The following ZCCHC7 variants were observed in gnomAD, a reference collection of about 807,000 sequenced individuals.
ZCCHC7 encodes the protein zinc finger CCHC domain-containing protein 7.
In ZCCHC7, 35 loss-of-function variants were observed where a neutral mutation model predicts 52.0. That is an observed-to-expected ratio of 0.67 (90% CI 0.51 to 0.89). The LOEUF is 0.89. Ranked by LOEUF, ZCCHC7 falls within the 40% of genes least tolerant of loss-of-function variation. The pLI is 0.00. For missense variants in ZCCHC7, 574 were observed against 649.1 expected, an observed-to-expected ratio of 0.88 and a Z score of 1.26; for synonymous variants, 217 against 221.5, an observed-to-expected ratio of 0.98 and a Z score of 0.18.
At chr9:37,310,864 G>A (rs775674107) in intron 5 of ZCCHC7, among the ~76,000 whole-genome samples, 25 of 151,604 alleles carry the variant, frequency 1.6e-4, no homozygotes, top group Non-Finnish European at 2.2e-4. Context: ...GGCTGAGATG[G>A]GAGGATTGCT....
intron 5 of ZCCHC7, among the ~76,000 whole-genome samples, chr9:37,322,007 AC>A (rs1830073626): frequency 6.6e-6 from 1 of 152,210 alleles, no homozygotes; most frequent in African/African-American, 2.4e-5. Context: ...GATGCCATCA[AC>A]ATTAGTTTTT....
chr9:37,201,210 A>T (rs1431635110), intron 2 of ZCCHC7, among the ~76,000 whole-genome samples: 1 of 152,222 alleles, frequency 6.6e-6, no homozygotes, highest in Admixed American at 6.5e-5. Context: ...GTGATTGAAA[A>T]GGGCCAGTTC....
intron 2 of ZCCHC7, among the ~76,000 whole-genome samples, chr9:37,287,983 A>G (rs756067763): frequency 1.4e-4 from 21 of 152,112 alleles, no homozygotes; most frequent in Non-Finnish European, 2.4e-4. Flanking sequence ...CCTTCTGTCA[A>G]TATTCTGTCT....
At chr9:37,149,123 G>A (rs1332506494) in intron 2 of ZCCHC7, among the ~76,000 whole-genome samples, 2 of 152,070 alleles carry the variant, frequency 1.3e-5, no homozygotes, top group Non-Finnish European at 2.9e-5. Context: ...TACTTCTGTG[G>A]TCCCAATGTT....
intron 2 of ZCCHC7, among the ~76,000 whole-genome samples, chr9:37,157,422 G>T (rs116099858): frequency 0.051 from 7,683 of 152,100 alleles, 631 homozygotes; most frequent in African/African-American, 0.17. Flanking sequence ...AGCCCAGGAG[G>T]TCAAGGCTAT....
chr9:37,219,781 T>C (rs1483240319), intron 2 of ZCCHC7, among the ~76,000 whole-genome samples: 2 of 152,224 alleles, frequency 1.3e-5, no homozygotes, highest in Non-Finnish European at 2.9e-5. Context: ...AAAGTAAGTT[T>C]AGGAGGAGTT....
In ZCCHC7 at chr9:37,120,634, G is replaced by A. The variant is rs1842263606; in HGVS notation, c.-22+11G>A. 5.0e-6 allele frequency: 2 copies of A among 396,530 alleles called. No individual in the cohort carries two copies. The highest frequency in any genetic ancestry group is 1.3e-4 in the South Asian group (1 of 7,858). The allele number at this position is 396,530 out of a possible 1,614,324, so 24.6% of individuals were successfully genotyped here. A position where few individuals can be genotyped will look rare whatever the true frequency, so the allele number is the denominator to read the frequency against. On this transcript the variant is annotated intron_variant, in intron 1 of 8. Coordinates refer to ENST00000336755, the MANE Select transcript of ZCCHC7 (RefSeq NM_032226.3). ...TTCGCAGCTGCGGCAGTGAGTATGT[G>A]TGTGACGGACCCCCGCCGCCCGCGG...
At chr9:37,342,953 G>T (rs1820732571) in intron 6 of ZCCHC7, among the ~76,000 whole-genome samples, 1 of 152,184 alleles carries the variant, frequency 6.6e-6, no homozygotes, top group Non-Finnish European at 1.5e-5. Flanking sequence ...GCCCTTGATT[G>T]CCCCCAGTCG....
At chr9:37,181,508 A>G (rs1160608290) in intron 2 of ZCCHC7, among the ~76,000 whole-genome samples, 2 of 152,246 alleles carry the variant, frequency 1.3e-5, no homozygotes, top group East Asian at 1.9e-4. Flanking sequence ...AAAATGTGGT[A>G]TATTCTTAAA....
intron 2 of ZCCHC7, among the ~76,000 whole-genome samples, chr9:37,143,974 G>A (rs917820888): frequency 2.0e-5 from 3 of 151,814 alleles, no homozygotes; most frequent in African/African-American, 7.2e-5. Context: ...TCCTTGGTGT[G>A]TAATAATTTT....
chr9:37,145,958 C>T (rs1176343820), intron 2 of ZCCHC7, among the ~76,000 whole-genome samples: 1 of 151,908 alleles, frequency 6.6e-6, no homozygotes, highest in Admixed American at 6.6e-5. Flanking sequence ...GTGTAGAACA[C>T]ACATTTTCAC....
At chr9:37,191,389 T>G (rs1306673056) in intron 2 of ZCCHC7, among the ~76,000 whole-genome samples, 3 of 152,188 alleles carry the variant, frequency 2.0e-5, no homozygotes, top group African/African-American at 7.2e-5. Flanking sequence ...TTTGTCATAT[T>G]TTTTCTCCTT....
At chr9:37,148,383 G>A (rs1420341178) in intron 2 of ZCCHC7, among the ~76,000 whole-genome samples, 1 of 152,022 alleles carries the variant, frequency 6.6e-6, no homozygotes, top group Non-Finnish European at 1.5e-5. Context: ...TTTCATGAGG[G>A]GTAGAGGTGT....
At chr9:37,122,893 C>T (rs1842376073) in intron 1 of ZCCHC7, among the ~76,000 whole-genome samples, 2 of 152,180 alleles carry the variant, frequency 1.3e-5, no homozygotes, top group South Asian at 2.1e-4. Context: ...GCCGAGATTG[C>T]GCCACTGCAC....
At chr9:37,264,065 A>G (rs1287225574) in intron 2 of ZCCHC7, among the ~76,000 whole-genome samples, 2 of 152,084 alleles carry the variant, frequency 1.3e-5, no homozygotes, top group African/African-American at 2.4e-5. Flanking sequence ...AACTAATACT[A>G]TCTCTTTGCT....
In ZCCHC7 at chr9:37,354,598, T is replaced by G; in HGVS notation, c.1084-112T>G. 411 of 703,912 alleles carry G rather than the reference T, an allele frequency of 5.8e-4. No individual in the cohort carries two copies. The highest frequency in any genetic ancestry group is 9.6e-4 in the East Asian group (36 of 37,384). 43.6% of individuals were successfully genotyped at this position (703,912 alleles called of 1,614,324 possible). ...AGGACCATATCCTACAGCCACCACATGAGGTACCAGTGACATGGGGCTCAT... is the reference window on the plus strand; with the variant it reads ...AGGACCATATCCTACAGCCACCACAGGAGGTACCAGTGACATGGGGCTCAT... On this transcript the variant is annotated intron_variant, in intron 7 of 8. Transcript: ENST00000336755. The surrounding 1 kb of genome is among the most constrained non-coding windows in gnomAD (Gnocchi z 4.0).
chr9:37,251,922 T>G (rs1482045166), intron 2 of ZCCHC7, among the ~76,000 whole-genome samples: 1 of 152,214 alleles, frequency 6.6e-6, no homozygotes, highest in Non-Finnish European at 1.5e-5. Flanking sequence ...AGTATTAGCT[T>G]ACATTAGTGT....
chr9:37,343,845 T>C (rs530577208), intron 6 of ZCCHC7, among the ~76,000 whole-genome samples: 1 of 152,358 alleles, frequency 6.6e-6, no homozygotes, highest in South Asian at 2.1e-4. Context: ...GCAGGCCATA[T>C]GGTCTCTGTT....
intron 2 of ZCCHC7, among the ~76,000 whole-genome samples, chr9:37,213,459 C>T (rs946107432): frequency 1.3e-5 from 2 of 152,128 alleles, no homozygotes; most frequent in African/African-American, 4.8e-5. Context: ...AAGGCAGCAA[C>T]AGAACCCTTG....
Sources: gnomAD v4.1 joint callset for allele counts (sites outside exome capture counted in the v4.1 genomes callset) on GRCh38, gnomAD v4.1.1 for gene constraint, Gnocchi (gnomAD v3.1) non-coding constraint, MANE v1.5 for transcripts, NCBI Gene and HGNC (gene_info 2026-07-23, HGNC 2026-07-21) for gene names.